Variants in F9 observed in about 807,000 individuals in gnomAD.
F9 encodes the protein coagulation factor IX.
A neutral mutation model predicts 34.1 loss-of-function variants in F9; 2 were observed. The ratio of observed to expected loss-of-function variants is 0.06; its 90% CI spans 0.02 to 0.18. The LOEUF (loss-of-function observed/expected upper bound fraction) is 0.18, where lower values mean the gene tolerates loss of function less well. Ranked by LOEUF, F9 falls within the 10% of genes least tolerant of loss-of-function variation. The probability of loss-of-function intolerance (pLI) is 1.00; values close to 1 mark genes in which losing one functional copy is unlikely to be tolerated. For synonymous variants in F9, 137 were observed against 118.8 expected (o/e 1.15, Z -1.00); for missense variants, 216 against 345.1 (o/e 0.63, Z 2.96).
chrX:139,547,104 A>C (rs1463724575), intron 4 of F9, among the ~76,000 whole-genome samples: 1 of 111,845 alleles, frequency 8.9e-6, no homozygotes, highest in Non-Finnish European at 1.9e-5. Context: ...TACTGACACA[A>C]GGATAGACAA....
intron 5 of F9, among the ~76,000 whole-genome samples, chrX:139,548,988 T>C (rs1455439813): frequency 9.0e-6 from 1 of 111,469 alleles, no homozygotes; most frequent in East Asian, 2.8e-4. Context: ...CAATGAACTG[T>C]TTTATGTTCT....
At chrX:139,550,878 T>C (rs1242567215) in intron 5 of F9, among the ~76,000 whole-genome samples, 184 bp from the exon 6 acceptor site, 2 of 111,972 alleles carry the variant, frequency 1.8e-5, no homozygotes, top group Admixed American at 1.9e-4. Flanking sequence ...TTGAAAACTG[T>C]CCATGAAAAT....
chrX:139,546,931 T>A (rs1265792405), intron 4 of F9, among the ~76,000 whole-genome samples: 1 of 111,702 alleles, frequency 9.0e-6, no homozygotes, highest in Non-Finnish European at 1.9e-5. Context: ...CTTTTTTTGG[T>A]GGTGGGAGGT....
chrX:139,544,923 A>G (rs1927681208), intron 4 of F9: 1 of 111,764 alleles, frequency 8.9e-6, no homozygotes, highest in Admixed American at 9.5e-5. Context: ...TAACTCCCTC[A>G]CATTTCCTAG....
At chrX:139,532,844 G>A (rs1382106413) in intron 1 of F9, among the ~76,000 whole-genome samples, 1 of 111,951 alleles carries the variant, frequency 8.9e-6, no homozygotes, top group African/African-American at 3.2e-5. Context: ...GTTCCATATG[G>A]ACTATGACAA....
intron 1 of F9, among the ~76,000 whole-genome samples, chrX:139,536,370 A>T (rs1379455006): frequency 9.2e-6 from 1 of 109,118 alleles, no homozygotes; most frequent in Non-Finnish European, 1.9e-5. Context: ...TATCCTCCAG[A>T]GTTCAGGAGT....
chrX:139,554,109 T>C (rs1233775838), intron 6 of F9, among the ~76,000 whole-genome samples: 1 of 110,469 alleles, frequency 9.1e-6, no homozygotes, highest in East Asian at 2.9e-4. Context: ...GAAAAGACTA[T>C]GAGATGGTGG....
chrX:139,550,868 T>A (rs936336973), intron 5 of F9, among the ~76,000 whole-genome samples, 194 bp from the exon 6 acceptor site: 1 of 111,975 alleles, frequency 8.9e-6, no homozygotes, highest in Non-Finnish European at 1.9e-5. Flanking sequence ...CATGAAGGAT[T>A]TGAAAACTGT....
In F9 at chrX:139,562,124, T is replaced by C; in HGVS notation, c.*53T>C. 1 of 997,442 alleles carries C rather than the reference T, an allele frequency of 1.0e-6. No homozygotes were observed. The highest frequency in any genetic ancestry group is 1.4e-6 in the Non-Finnish European group (1 of 704,053). 82.2% of individuals were successfully genotyped at this position (997,442 alleles called of 1,213,427 possible). A position where few individuals can be genotyped will look rare whatever the true frequency, so the allele number is the denominator to read the frequency against. The stretch of plus-strand genomic sequence containing the variant: ...ATTGGAATTGAAAATTAACAGGGCC[T>C]CTCACTAACTAATCACTTTCCCATC... On this transcript the variant is annotated 3_prime_UTR_variant, in exon 8 of 8. Coordinates refer to ENST00000218099, the MANE Select transcript of F9 (RefSeq NM_000133.4).
At position 139,538,719 on chromosome X, in the gene F9, G is replaced by C. The variant is rs1383324206; in HGVS notation, c.277+1333G>C. On this transcript the variant is annotated intron_variant, in intron 3 of 7. Transcript: ENST00000218099. The stretch of plus-strand genomic sequence containing the variant: ...CCATTCCCGCAGAATTTAGAACTTT[G>C]AATCACATGATTTATTTCTAAAAGT... Among the ~76,000 whole-genome samples, 4 of 110,971 alleles carry C rather than the reference G, an allele frequency of 3.6e-5. No homozygotes were observed. In the East Asian group the frequency reaches 1.1e-3, roughly 32 times the overall value.
At chrX:139,536,211 A>G (rs1414226092) in intron 1 of F9, among the ~76,000 whole-genome samples, 1 of 106,043 alleles carries the variant, frequency 9.4e-6, no homozygotes, top group Non-Finnish European at 1.9e-5. Flanking sequence ...ACATATATAC[A>G]CACACATATA....
Position 139,561,548 on chromosome X carries a change from A to G in F9, c.863A>G (p.Glu288Gly), listed in dbSNP as rs1398609787. 1 of 1,207,773 alleles carries G rather than the reference A, an allele frequency of 8.3e-7. No homozygotes were observed. ...GGTGAACATAATATTGAGGAGACAG[A>G]ACATACAGAGCAAAAGCGAAATGTG... ...VAGEHNIEET[E>G]HTEQKRNVIR... Residue 288 changes from glutamate to glycine, a missense_variant, in exon 8 of 8, where the codon GAA (glutamate) becomes GGA (glycine). Around this residue, in one of 2 missense-constraint regions of F9, gnomAD observed 177 missense variants for 311.8 expected, o/e 0.57. Coordinates refer to ENST00000218099, the MANE Select transcript of F9 (RefSeq NM_000133.4).
intron 6 of F9, among the ~76,000 whole-genome samples, chrX:139,553,693 G>C (rs866788802): frequency 9.2e-5 from 10 of 108,268 alleles, no homozygotes; most frequent in African/African-American, 3.4e-4. Context: ...GGCGCCTATA[G>C]TCCCAGCTAC....
intron 6 of F9, among the ~76,000 whole-genome samples, chrX:139,556,735 A>G (rs1927976756): frequency 8.9e-6 from 1 of 112,484 alleles, no homozygotes; most frequent in Non-Finnish European, 1.9e-5. Flanking sequence ...GATGAAATGC[A>G]TTTCAATGAC....
At chrX:139,533,918 G>A (rs1031100086) in intron 1 of F9, among the ~76,000 whole-genome samples, 26 of 111,924 alleles carry the variant, frequency 2.3e-4, no homozygotes, top group African/African-American at 8.1e-4. Flanking sequence ...AGAGGAACAG[G>A]AGTTAATCAA....
chrX:139,552,320 C>T (rs1164039757), intron 6 of F9, among the ~76,000 whole-genome samples: 3 of 112,431 alleles, frequency 2.7e-5, no homozygotes, highest in Non-Finnish European at 5.6e-5. Context: ...TTTCTCCAAG[C>T]GTAGTCTGCA....
intron 4 of F9, among the ~76,000 whole-genome samples, chrX:139,544,077 T>A (rs1270843619): frequency 8.9e-6 from 1 of 111,944 alleles, no homozygotes; most frequent in Non-Finnish European, 1.9e-5. Flanking sequence ...ATGACAAATG[T>A]GGAGAATGAT....
intron 1 of F9, 39 bp from the exon 2 acceptor site, chrX:139,536,971 T>G (rs1337334827): frequency 8.7e-7 from 1 of 1,144,504 alleles, no homozygotes; most frequent in Admixed American, 2.3e-5. Context: ...GATGTTTTCT[T>G]TTTTGCTAAA....
intron 1 of F9, among the ~76,000 whole-genome samples, chrX:139,534,444 A>G (rs929717199): frequency 8.9e-6 from 1 of 111,999 alleles, no homozygotes; most frequent in Non-Finnish European, 1.9e-5. Context: ...TCACTCAACC[A>G]CACTGTACAG....
Sources: allele counts gnomAD v4.1 joint callset (sites outside exome capture counted in the v4.1 genomes callset), GRCh38; gene constraint gnomAD v4.1.1; regional missense constraint gnomAD v4.1.1; transcripts MANE v1.5; gene names NCBI Gene and HGNC (gene_info 2026-07-23, HGNC 2026-07-21).